Variants in DRC1 observed in about 807,000 individuals in gnomAD.
DRC1 encodes the protein dynein regulatory complex protein 1.
DRC1 carries 74 observed loss-of-function variants against 98.7 expected under a neutral mutation model. The ratio of observed to expected loss-of-function variants is 0.75; its 90% CI spans 0.62 to 0.91. The LOEUF is 0.91. Ranked by LOEUF, DRC1 falls within the 40% of genes least tolerant of loss-of-function variation. The pLI is 0.00. For missense variants in DRC1, 875 were observed against 886.0 expected (o/e 0.99, Z 0.16); for synonymous variants, 336 against 334.1 (o/e 1.01, Z -0.06).
Position 26,444,963 on chromosome 2 carries a change from G to C in DRC1, c.1396+15G>C, listed in dbSNP as rs756124397. ...TATGCGCTCAGGTGACTAGAACACT[G>C]TCATAGAGCCTTAGAGCTGGAGGAG... On this transcript the variant is annotated intron_variant, in intron 10 of 16. Coordinates refer to ENST00000288710, the MANE Select transcript of DRC1 (RefSeq NM_145038.5). 6.2e-7 allele frequency: 1 copy of C among 1,612,532 alleles called. No individual in the cohort carries two copies.
Position 26,431,979 on chromosome 2 carries a change from C to A in DRC1, c.861C>A (p.Ile287=). ...RIWDCEEYNM[I]KIKLEQDVQI... is the part of the protein sequence containing the mutation. ...GGGATTGCGAAGAATACAACATGAT[C>A]AAGATCAAGCTGGAGCAGGATGTGC... Residue 287 remains isoleucine (I), a synonymous_variant, in exon 7 of 17, where the codon ATC becomes ATA. Transcript: ENST00000288710. 6.2e-7 allele frequency: 1 copy of A among 1,614,114 alleles called. No individual in the cohort carries two copies. Among genetic ancestry groups the A allele is most frequent in the Non-Finnish European group, 8.5e-7 (1 of 1,179,986 alleles).
In DRC1 at chr2:26,444,916, C is replaced by G. The variant is rs954914386; in HGVS notation, c.1364C>G (p.Thr455Arg). 2 of 1,614,134 alleles carry G rather than the reference C, an allele frequency of 1.2e-6. No homozygotes were observed. The highest frequency in any genetic ancestry group is 2.7e-5 in the African/African-American group (2 of 75,024). Residue 455 changes from threonine to arginine, a missense_variant, in exon 10 of 17, where the codon ACA becomes AGA. Coordinates refer to ENST00000288710, the MANE Select transcript of DRC1 (RefSeq NM_145038.5). Reference protein sequence around the residue: ...PISQQPQKSATQIVEEMLMRS... With the variant: ...PISQQPQKSARQIVEEMLMRS... ...TCTCAGCAGCCCCAGAAGTCCGCCA[C>G]ACAGATAGTAGAAGAAATGCTTATG...
Position 26,440,339 on chromosome 2 carries a change from G to GTGTT in DRC1, c.889-36_889-35insTTGT, listed in dbSNP as rs1347559627. 1.2e-5 allele frequency: 19 copies of GTGTT among 1,537,028 alleles called. No individual in the cohort carries two copies. In the Middle Eastern group the frequency reaches 1.6e-3, roughly 128 times the overall value. On this transcript the variant is annotated intron_variant, in intron 7 of 16. Transcript: ENST00000288710. Reference sequence around the variant, plus strand: ...TGTGTTTGTGTGTGTGTGTGTGTGTGTGTGTGTATATATATATATATAGTT... The same window carrying GTGTT: ...TGTGTTTGTGTGTGTGTGTGTGTGTGTGTTTGTGTGTATATATATATATATAGTT...
At chr2:26,405,346 TAAAC>T (rs144669464) in intron 1 of DRC1, among the ~76,000 whole-genome samples, 297 of 152,304 alleles carry the variant, frequency 2.0e-3, no homozygotes, top group African/African-American at 6.7e-3. Flanking sequence ...GATTCTATGA[TAAAC>T]AAGGCAAATA....
intron 10 of DRC1, among the ~76,000 whole-genome samples, chr2:26,445,227 C>T (rs1262197908): frequency 6.6e-6 from 1 of 152,166 alleles, no homozygotes; most frequent in African/African-American, 2.4e-5. Flanking sequence ...AAATTGTCTC[C>T]CTTTTTGTGA....
At chr2:26,416,125 G>A (rs1015839992) in intron 2 of DRC1, among the ~76,000 whole-genome samples, 1 of 152,142 alleles carries the variant, frequency 6.6e-6, no homozygotes, top group Non-Finnish European at 1.5e-5. Context: ...ATTAAGTAGT[G>A]AAGAGCCTTG....
At chr2:26,417,973 T>C (rs1357192348) in intron 2 of DRC1, among the ~76,000 whole-genome samples, 1 of 152,160 alleles carries the variant, frequency 6.6e-6, no homozygotes, top group Non-Finnish European at 1.5e-5. Context: ...ATTTTATATC[T>C]TCTATTTTTT....
Position 26,444,337 on chromosome 2 carries a change from G to A in DRC1, c.1144G>A (p.Glu382Lys), listed in dbSNP as rs1167112319. 3 of 1,614,124 alleles carry A rather than the reference G, an allele frequency of 1.9e-6. No homozygotes were observed. Among genetic ancestry groups the A allele is most frequent in the East Asian group, 2.2e-5 (1 of 44,884 alleles). ...DYKRLVMQFK[E>K]LQKAMRHFAL... ...CAAACGTCTTGTGATGCAATTCAAGGAGCTACAGAAAGCCATGAGGTATCT... is the reference window on the plus strand; with the variant it reads ...CAAACGTCTTGTGATGCAATTCAAGAAGCTACAGAAAGCCATGAGGTATCT... Residue 382 changes from glutamate (E) to lysine (K), a missense_variant, in exon 9 of 17, where the codon GAG becomes AAG. Transcript: ENST00000288710.
intron 3 of DRC1, 68 bp from the exon 4 acceptor site, chr2:26,424,203 C>A: frequency 6.4e-7 from 1 of 1,574,650 alleles, no homozygotes; most frequent in Non-Finnish European, 8.7e-7. Context: ...TTCTAGAGAA[C>A]GTACCTGCTC....
chr2:26,432,793 A>G (rs1329712094), intron 7 of DRC1, among the ~76,000 whole-genome samples: 1 of 152,192 alleles, frequency 6.6e-6, no homozygotes, highest in Non-Finnish European at 1.5e-5. Context: ...GCACTTAATG[A>G]ATGGTATCTC....
chr2:26,429,185 GATTATTATTATTATT>G (rs10555604), intron 4 of DRC1, among the ~76,000 whole-genome samples: 97 of 30,890 alleles, frequency 3.1e-3, no homozygotes, highest in Non-Finnish European at 4.7e-3. Context: ...TTGTACAGAT[GATTATTATTATTATT>G]ATTATTATTA....
chr2:26,411,426 T>C (rs1444710267), intron 1 of DRC1, among the ~76,000 whole-genome samples: 1 of 152,260 alleles, frequency 6.6e-6, no homozygotes, highest in Non-Finnish European at 1.5e-5. Flanking sequence ...GAGTGTATTT[T>C]ACACTCATAG....
chr2:26,434,657 C>G (rs531721886), intron 7 of DRC1, among the ~76,000 whole-genome samples: 105 of 152,052 alleles, frequency 6.9e-4, no homozygotes, highest in Non-Finnish European at 1.2e-3. Flanking sequence ...TTTGGGAGGC[C>G]GAGGCAGGTG....
rs746302954 is a variant in DRC1, at chr2:26,424,363, C to G, written c.449C>G (p.Pro150Arg). Residue 150 changes from proline (P) to arginine (R), a missense_variant, in exon 4 of 17, where the codon CCC becomes CGC. By Grantham distance (103) the Pro-to-Arg change is moderately radical (BLOSUM62 -2). Transcript: ENST00000288710. ...KWEEGKQKRI[P>R]QELWEMLNTQ... Reference sequence around the variant, plus strand: ...GAAGAGGGCAAGCAGAAGAGAATTCCCCAAGAGCTGTGGGAAATGCTCAAT... The same window carrying G: ...GAAGAGGGCAAGCAGAAGAGAATTCGCCAAGAGCTGTGGGAAATGCTCAAT... 1.9e-6 allele frequency: 3 copies of G among 1,613,588 alleles called. No homozygotes were observed. The African/African-American group carries it at 4.0e-5, about 22-fold the overall frequency.
rs1663379683 is a variant in DRC1 at position 26,429,638 on chromosome 2, C to T, written c.551C>T (p.Thr184Ile). ...CATGCTCTTTTCTAGGAGTTAAAAA[C>T]AAAGGATGACCAGTATGTGAAGGAT... The part of the protein sequence containing the change: ...LISELQQELK[T>I]KDDQYVKDLK... Residue 184 changes from threonine to isoleucine, a missense_variant, in exon 5 of 17, where the codon ACA (threonine) becomes ATA (isoleucine). Coordinates refer to ENST00000288710, the MANE Select transcript of DRC1 (RefSeq NM_145038.5). The T allele has an allele frequency of 1.9e-6, 3 of 1,613,900 alleles. No individual in the cohort carries two copies. The highest frequency in any genetic ancestry group is 2.7e-5 in the African/African-American group (2 of 75,012).
At chr2:26,450,353 C>T (rs1220255397) in intron 12 of DRC1, among the ~76,000 whole-genome samples, 1 of 152,234 alleles carries the variant, frequency 6.6e-6, no homozygotes, top group Non-Finnish European at 1.5e-5. Flanking sequence ...AAATCTGGTG[C>T]AGCCCCACTA....
intron 12 of DRC1, 87 bp from the exon 13 acceptor site, chr2:26,450,505 G>T (rs1299944744): frequency 8.2e-7 from 1 of 1,226,268 alleles, no homozygotes; most frequent in Non-Finnish European, 1.2e-6. Context: ...CAAGCCTCCC[G>T]CTCTTAGGAG....
At chr2:26,450,540 C>G in intron 12 of DRC1, 52 bp from the exon 13 acceptor site, 1 of 1,547,930 alleles carries the variant, frequency 6.5e-7, no homozygotes, top group South Asian at 1.2e-5. Context: ...GCTGCCCAAG[C>G]CCGTGGCCTC....
At position 26,431,997 on chromosome 2, in the gene DRC1, G is replaced by A. The variant is rs1322233947; in HGVS notation, c.879G>A (p.Gln293=). The A allele has an allele frequency of 1.2e-6, 2 of 1,613,992 alleles. No homozygotes were observed. The highest frequency in any genetic ancestry group is 2.2e-5 in the South Asian group (2 of 91,062). ...EYNMIKIKLE[Q]DVQILEQQLQ... is the part of the protein sequence containing the mutation. ...ACATGATCAAGATCAAGCTGGAGCAGGATGTGCAGGTGCAACAGCTGGTCC... is the reference window on the plus strand; with the variant it reads ...ACATGATCAAGATCAAGCTGGAGCAAGATGTGCAGGTGCAACAGCTGGTCC... Residue 293 remains glutamine (Q), a synonymous_variant, in exon 7 of 17, where the codon CAG becomes CAA. Coordinates refer to ENST00000288710, the MANE Select transcript of DRC1 (RefSeq NM_145038.5).
Sources: allele counts gnomAD v4.1 joint callset (sites outside exome capture counted in the v4.1 genomes callset), GRCh38; gene constraint gnomAD v4.1.1; transcripts MANE v1.5; gene names NCBI Gene and HGNC (gene_info 2026-07-23, HGNC 2026-07-21).